ABHD3: variants seen among roughly 807,000 people sequenced by gnomAD.
The protein encoded by ABHD3 is abhydrolase domain containing 3, phospholipase, also known as phospholipase ABHD3.
Under a neutral mutation model 48.8 loss-of-function variants are expected in ABHD3, and 46 were observed. That is an observed-to-expected ratio of 0.94 (90% CI 0.74 to 1.20). The LOEUF (loss-of-function observed/expected upper bound fraction) is 1.20, where lower values mean the gene tolerates loss of function less well. Ranked by LOEUF, ABHD3 falls within the 50% of genes most tolerant of loss-of-function variation. ABHD3 has a pLI of 0.00. For missense variants in ABHD3, 490 were observed against 497.8 expected (o/e 0.98, Z 0.15); for synonymous variants, 192 against 183.7 (o/e 1.04, Z -0.36).
At chr18:21,698,257 C>G (rs2040430805) in intron 3 of ABHD3, among the ~76,000 whole-genome samples, 1 of 151,850 alleles carries the variant, frequency 6.6e-6, no homozygotes, top group South Asian at 2.1e-4. Context: ...GCGATCTCAG[C>G]TCACTGCAAC....
At chr18:21,703,890 A>G in intron 1 of ABHD3, 143 bp from the exon 2 acceptor site, 1 of 832,790 alleles carries the variant, frequency 1.2e-6, no homozygotes, top group East Asian at 2.7e-5. Flanking sequence ...AAAAATTCAC[A>G]GTCACAGAGG....
At position 21,704,747 on chromosome 18, in the gene ABHD3, G is replaced by GGGCGAGAGCGGGCGA. The variant is rs2040603214; in HGVS notation, c.-83_-82insTCGCCCGCTCTCGCC. On this transcript the variant is annotated 5_prime_UTR_variant, in exon 1 of 9. Transcript: ENST00000289119. ...GGCGAGAGCGGGCGAGAGCGGACGC[G>GGGCGAGAGCGGGCGA]GCGCCGCTGCCTACTCCCGACCACA... 6.0e-5 allele frequency: 76 copies of GGGCGAGAGCGGGCGA among 1,265,094 alleles called. No homozygotes were observed. In the African/African-American group the frequency reaches 9.9e-4, roughly 16 times the overall value. The allele number at this position is 1,265,094 out of a possible 1,614,324, so 78.4% of individuals were successfully genotyped here.
At chr18:21,698,188 T>G (rs2040427884) in intron 3 of ABHD3, among the ~76,000 whole-genome samples, 1 of 147,582 alleles carries the variant, frequency 6.8e-6, no homozygotes, top group African/African-American at 2.4e-5. Context: ...TATAAAACAT[T>G]TTCTTTTTTT....
At chr18:21,673,926 C>T (rs903404651) in intron 4 of ABHD3, among the ~76,000 whole-genome samples, 3 of 152,038 alleles carry the variant, frequency 2.0e-5, no homozygotes, top group Non-Finnish European at 4.4e-5. Context: ...TTTTTCAATG[C>T]TTCCCAGGGG....
At position 21,688,912 on chromosome 18, in the gene ABHD3, A is replaced by G. The variant is rs781490184; in HGVS notation, c.510-4947T>C. ...GAGAAGTGGTTACACGGACAGTAACAATAGAAAATAAGAATGGAAAAACAG... is the reference window on the plus strand; with the variant it reads ...GAGAAGTGGTTACACGGACAGTAACGATAGAAAATAAGAATGGAAAAACAG... On this transcript the variant is annotated intron_variant, in intron 3 of 8. Coordinates refer to ENST00000289119, the MANE Select transcript of ABHD3 (RefSeq NM_138340.5). Among the ~76,000 whole-genome samples the G allele has an allele frequency of 1.1e-4, 17 of 152,364 alleles. 1 individual carries two copies. Among genetic ancestry groups the G allele is most frequent in the South Asian group, 1.0e-3 (5 of 4,832 alleles).
chr18:21,668,961 G>A (rs1230804325), intron 4 of ABHD3, among the ~76,000 whole-genome samples: 1 of 152,114 alleles, frequency 6.6e-6, no homozygotes, highest in African/African-American at 2.4e-5. Context: ...AGTGGCATAT[G>A]CCTGTAGTCC....
intron 3 of ABHD3, among the ~76,000 whole-genome samples, chr18:21,689,709 G>A (rs77341404): frequency 3.3e-3 from 497 of 151,992 alleles, no homozygotes; most frequent in Middle Eastern, 0.024. Context: ...CTAAAAGCTG[G>A]GCCCAAATCT....
rs181018460 is a variant in ABHD3 at position 21,692,347 on chromosome 18, T to A, written c.510-8382A>T. 9.8e-5 allele frequency among the ~76,000 whole-genome samples: 15 copies of A among 152,336 alleles called. No homozygotes were observed. In the East Asian group the frequency reaches 2.9e-3, roughly 29 times the overall value. On this transcript the variant is annotated intron_variant, in intron 3 of 8. Transcript: ENST00000289119. ...TGCTTTTTGTTTGGTAAAATGGGGT[T>A]TATAATATGTATCTTGAACTGGATA...
chr18:21,689,219 G>A (rs768225201), intron 3 of ABHD3, among the ~76,000 whole-genome samples: 24 of 151,978 alleles, frequency 1.6e-4, no homozygotes, highest in Non-Finnish European at 2.8e-4. Context: ...GCAGTAGTTG[G>A]GTATTACTCA....
At chr18:21,659,456 G>T in intron 5 of ABHD3, 113 bp from the exon 6 acceptor site, 2 of 990,148 alleles carry the variant, frequency 2.0e-6, no homozygotes, top group East Asian at 2.6e-5. Flanking sequence ...ATAAACTAGT[G>T]TTTAAGTCCT....
intron 3 of ABHD3, among the ~76,000 whole-genome samples, chr18:21,685,378 CT>C (rs2040108405): frequency 6.6e-6 from 1 of 152,110 alleles, no homozygotes; most frequent in Non-Finnish European, 1.5e-5. Flanking sequence ...GGTATGCAGG[CT>C]ATGTTCTTGC....
rs776306457 is a variant in ABHD3, at chr18:21,702,454, C to T, written c.371G>A (p.Trp124Ter). 1 of 1,611,472 alleles carries T rather than the reference C, an allele frequency of 6.2e-7. No individual in the cohort carries two copies. Among genetic ancestry groups the T allele is most frequent in the African/African-American group, 1.3e-5 (1 of 74,858 alleles). Residue 124 changes from tryptophan to a stop codon, truncating the protein, a stop_gained, in exon 3 of 9, where the codon TGG becomes TAG. Transcript: ENST00000289119. LOFTEE classifies it high-confidence loss of function. ...TADGGQISLDWFDNDNSTCYM... is the reference protein window; with the variant it reads ...TADGGQISLD ...ACACGTACTGTTATCATTATCAAAC[C>T]AGTCCAGTGAAATCTGTCCTCCATC...
chr18:21,665,304 G>T (rs532157141), intron 4 of ABHD3, among the ~76,000 whole-genome samples: 2 of 152,138 alleles, frequency 1.3e-5, no homozygotes, highest in South Asian at 4.1e-4. Flanking sequence ...GCAATGGTAT[G>T]ATCACAGCTC....
At chr18:21,703,950 A>G in intron 1 of ABHD3, 2 of 563,434 alleles carry the variant, frequency 3.5e-6, no homozygotes, top group South Asian at 2.4e-5. Context: ...GAGAATCGCG[A>G]TAAGGGAGTT....
At chr18:21,658,255 G>A (rs2039402718) in intron 6 of ABHD3, among the ~76,000 whole-genome samples, 2 of 152,002 alleles carry the variant, frequency 1.3e-5, no homozygotes, top group South Asian at 4.1e-4. Flanking sequence ...CAATTCCAGA[G>A]AAAACTAATG....
In ABHD3 at chr18:21,651,462, A is replaced by G. The variant is rs747691549; in HGVS notation, c.*129T>C. The G allele has an allele frequency of 6.0e-5, 62 of 1,025,420 alleles. No individual in the cohort carries two copies. The highest frequency in any genetic ancestry group is 7.1e-5 in the Non-Finnish European group (52 of 728,104). The allele number at this position is 1,025,420 out of a possible 1,614,324, so 63.5% of individuals were successfully genotyped here. On this transcript the variant is annotated 3_prime_UTR_variant, in exon 9 of 9. Transcript: ENST00000289119. ...TGTTTCTCTAAAAAGTAGTTTTTGC[A>G]TATCATTCTGGACCTCTTCACCCAT... is the stretch of plus-strand genomic sequence containing the variant.
At position 21,659,118 on chromosome 18, in the gene ABHD3, C is replaced by T. The variant is rs551240611; in HGVS notation, c.842+52G>A. On this transcript the variant is annotated intron_variant, in intron 6 of 8. Coordinates refer to ENST00000289119, the MANE Select transcript of ABHD3 (RefSeq NM_138340.5). ...CCTCCCAAAGTGCTGGGATTACAGG[C>T]GTGAGCCACCGGGCCCGGCCCTGGA... The T allele has an allele frequency of 3.8e-6, 6 of 1,561,192 alleles. No homozygotes were observed. The South Asian group carries it at 4.7e-5, about 12-fold the overall frequency.
chr18:21,704,731 G>C lies in ABHD3; in HGVS notation c.-66C>G, dbSNP rs571672054. On this transcript the variant is annotated 5_prime_UTR_variant, in exon 1 of 9. Transcript: ENST00000289119. ...AGCCGGCTGGCGAGCGGGCGAGAGC[G>C]GGCGAGAGCGGACGCGGCGCCGCTG... is the stretch of plus-strand genomic sequence containing the variant. 7.7e-7 allele frequency: 1 copy of C among 1,305,526 alleles called. No homozygotes were observed. The highest frequency in any genetic ancestry group is 9.8e-7 in the Non-Finnish European group (1 of 1,017,786). 80.9% of individuals were successfully genotyped at this position (1,305,526 alleles called of 1,614,324 possible). A position where few individuals can be genotyped will look rare whatever the true frequency, so the allele number is the denominator to read the frequency against.
chr18:21,685,435 A>C (rs965242016), intron 3 of ABHD3, among the ~76,000 whole-genome samples: 2 of 152,260 alleles, frequency 1.3e-5, no homozygotes, highest in African/African-American at 4.8e-5. Flanking sequence ...AAATTTTATT[A>C]GGCCCAGTTG....
Sources: gnomAD v4.1 joint callset for allele counts (sites outside exome capture counted in the v4.1 genomes callset) on GRCh38, gnomAD v4.1.1 for gene constraint, MANE v1.5 for transcripts, NCBI Gene and HGNC (gene_info 2026-07-23, HGNC 2026-07-21) for gene names.